Variants in TLN2 observed in about 807,000 individuals in gnomAD.
TLN2 encodes the protein talin-2.
In TLN2, 118 loss-of-function variants were observed where a neutral mutation model predicts 294.7. The observed-to-expected ratio is 0.40, with a 90% CI of 0.34 to 0.47. The LOEUF is 0.47. Among genes scored for constraint, TLN2 ranks in the 20% least tolerant of loss-of-function variants. The pLI is 0.84. For synonymous variants in TLN2, 1,431 were observed against 1,304.5 expected (o/e 1.10, Z -2.09); for missense variants, 3,083 against 3,282.2 (o/e 0.94, Z 1.48).
Position 62,650,072 on chromosome 15 carries a change from T to C in TLN2, c.137-12T>C. The C allele has an allele frequency of 6.2e-7, 1 of 1,613,658 alleles. No homozygotes were observed. On this transcript the variant is annotated splice_polypyrimidine_tract_variant and intron_variant, in intron 4 of 58. Transcript: ENST00000636159. ...ACTTTGCCTTCTGTTTTTCTTCCCA[T>C]TTATATTTCAGCTTCTGACTATGGA...
At chr15:62,693,884 A>G (rs566570986) in intron 13 of TLN2, among the ~76,000 whole-genome samples, 2 of 151,404 alleles carry the variant, frequency 1.3e-5, no homozygotes, top group Non-Finnish European at 2.9e-5. Context: ...AGTAAACTTC[A>G]ACACTTTGAC....
At chr15:62,715,832 G>A (rs139471605) in intron 22 of TLN2, among the ~76,000 whole-genome samples, 1 of 152,208 alleles carries the variant, frequency 6.6e-6, no homozygotes, top group Non-Finnish European at 1.5e-5. Flanking sequence ...TTTTTGAACG[G>A]CATTCCTGAG....
chr15:62,410,437 A>T (rs1366174515), intron 1 of TLN2, among the ~76,000 whole-genome samples: 1 of 152,196 alleles, frequency 6.6e-6, no homozygotes, highest in African/African-American at 2.4e-5. Context: ...ACTTTACGTA[A>T]TTATACTTTA....
chr15:62,737,400 A>G (rs1008320956), intron 29 of TLN2, among the ~76,000 whole-genome samples: 2 of 152,182 alleles, frequency 1.3e-5, no homozygotes, highest in Non-Finnish European at 2.9e-5. Flanking sequence ...GTGCTGAGCT[A>G]TATTGCTGTT....
chr15:62,621,476 T>C (rs2048822845), intron 3 of TLN2, among the ~76,000 whole-genome samples: 1 of 152,226 alleles, frequency 6.6e-6, no homozygotes, highest in South Asian at 2.1e-4. Flanking sequence ...AGTATCTTGG[T>C]GGCATTGATT....
chr15:62,783,846 G>C lies in TLN2; in HGVS notation c.5692G>C (p.Ala1898Pro). 1 of 1,614,020 alleles carries C rather than the reference G, an allele frequency of 6.2e-7. No individual in the cohort carries two copies. Among genetic ancestry groups the C allele is most frequent in the East Asian group, 2.2e-5 (1 of 44,874 alleles). The stretch of plus-strand genomic sequence containing the variant: ...AATGACCAGTGACTATGGGCACCTG[G>C]CTTTCCAGGGCCAGATGGCAGCAGC... ...SQMTSDYGHL[A>P]FQGQMAAATA... The change falls in exon 45 of 59, where the codon GCT (alanine) becomes CCT (proline). Residue 1898 changes from alanine (A) to proline (P), a missense_variant. By Grantham distance (27) the Ala-to-Pro change is conservative. Coordinates refer to ENST00000636159, the MANE Select transcript of TLN2 (RefSeq NM_015059.3).
chr15:62,482,602 CAAAAAAAAA>C (rs781297837), intron 1 of TLN2, among the ~76,000 whole-genome samples: 1 of 75,782 alleles, frequency 1.3e-5, no homozygotes, highest in African/African-American at 4.7e-5. Flanking sequence ...AACGTTGTCT[CAAAAAAAAA>C]AAAAAAAAAA....
intron 58 of TLN2, 51 bp from the exon 59 acceptor site, chr15:62,840,431 A>T: frequency 6.2e-7 from 1 of 1,606,078 alleles, no homozygotes; most frequent in African/African-American, 1.3e-5. Context: ...GGTGGGTCGG[A>T]GGGTTTTCTA....
intron 1 of TLN2, among the ~76,000 whole-genome samples, chr15:62,466,989 C>T (rs906049216): frequency 6.6e-6 from 1 of 152,206 alleles, no homozygotes; most frequent in East Asian, 1.9e-4. Context: ...GAAGAATTAG[C>T]CCTCCGTTTT....
intron 11 of TLN2, among the ~76,000 whole-genome samples, chr15:62,676,610 C>G (rs988340753): frequency 2.0e-5 from 3 of 152,108 alleles, no homozygotes; most frequent in African/African-American, 4.8e-5. Context: ...AAAACTACTA[C>G]TACTATCTTC....
At chr15:62,550,668 A>G (rs1324888668) in intron 1 of TLN2, among the ~76,000 whole-genome samples, 1 of 152,168 alleles carries the variant, frequency 6.6e-6, no homozygotes, top group African/African-American at 2.4e-5. Context: ...CTCTTTTCAT[A>G]GAATTGTTAA....
chr15:62,534,937 G>A (rs2041252305), intron 1 of TLN2, among the ~76,000 whole-genome samples: 1 of 152,184 alleles, frequency 6.6e-6, no homozygotes, highest in South Asian at 2.1e-4. Flanking sequence ...TCTGATCCTG[G>A]CTCTGCCCCT....
intron 21 of TLN2, among the ~76,000 whole-genome samples, chr15:62,709,100 A>G (rs956457993): frequency 1.3e-5 from 2 of 152,318 alleles, no homozygotes; most frequent in East Asian, 3.9e-4. Flanking sequence ...GCAAAGTTGG[A>G]GCAGCCACAG....
intron 1 of TLN2, among the ~76,000 whole-genome samples, chr15:62,476,703 A>G (rs1047805247): frequency 9.9e-5 from 15 of 152,122 alleles, no homozygotes; most frequent in Non-Finnish European, 1.6e-4. Flanking sequence ...AGTTTTGACC[A>G]CTTTCCTCTC....
At chr15:62,640,201 G>A (rs1446703593) in intron 3 of TLN2, 1 of 455,964 alleles carries the variant, frequency 2.2e-6, no homozygotes, top group East Asian at 6.9e-5. Context: ...TAGAAGACAG[G>A]TAGGGAGTGG....
intron 1 of TLN2, among the ~76,000 whole-genome samples, chr15:62,537,172 C>T (rs2041405443): frequency 6.6e-6 from 1 of 152,102 alleles, no homozygotes; most frequent in Non-Finnish European, 1.5e-5. Context: ...GCACCTGCCA[C>T]CACGCCCGGC....
intron 1 of TLN2, among the ~76,000 whole-genome samples, chr15:62,561,710 G>A (rs1033331993): frequency 1.3e-5 from 2 of 150,372 alleles, no homozygotes; most frequent in Non-Finnish European, 2.9e-5. Flanking sequence ...CACTGTGCCT[G>A]ATCGCCTGCT....
chr15:62,582,621 G>C (rs57693336), intron 1 of TLN2, among the ~76,000 whole-genome samples: 1 of 152,180 alleles, frequency 6.6e-6, no homozygotes, highest in Admixed American at 6.5e-5. Context: ...CCTCTTAGGG[G>C]AAAACAGCTC....
intron 1 of TLN2, among the ~76,000 whole-genome samples, chr15:62,502,818 G>T (rs2039377146): frequency 6.6e-6 from 1 of 152,118 alleles, no homozygotes; most frequent in African/African-American, 2.4e-5. Flanking sequence ...GATGGTCTTG[G>T]GCTTCTCTGT....
Sources: gnomAD v4.1 joint callset for allele counts (sites outside exome capture counted in the v4.1 genomes callset) on GRCh38, gnomAD v4.1.1 for gene constraint, MANE v1.5 for transcripts, NCBI Gene and HGNC (gene_info 2026-07-23, HGNC 2026-07-21) for gene names.